ROPN1L: variants seen among roughly 807,000 people sequenced by gnomAD.
The protein encoded by ROPN1L is ropporin-1-like protein.
In ROPN1L, 23 loss-of-function variants were observed where a neutral mutation model predicts 22.7. The ratio of observed to expected loss-of-function variants is 1.01; its 90% CI spans 0.73 to 1.43. The LOEUF (loss-of-function observed/expected upper bound fraction) is 1.43, where lower values mean the gene tolerates loss of function less well. ROPN1L is among the 40% of genes most tolerant of loss of function. ROPN1L has a pLI of 0.00. For synonymous variants in ROPN1L, 116 were observed against 117.8 expected, an observed-to-expected ratio of 0.98 and a Z score of 0.10; for missense variants, 271 against 291.5, an observed-to-expected ratio of 0.93 and a Z score of 0.51.
intron 3 of ROPN1L, among the ~76,000 whole-genome samples, chr5:10,450,404 A>G (rs911922029): frequency 6.6e-6 from 1 of 152,276 alleles, no homozygotes; most frequent in Non-Finnish European, 1.5e-5. Context: ...TTTTAAAACT[A>G]CAAATCATTT....
chr5:10,471,961 A>T (rs1287522437), exon 5 of ROPN1L: 1 of 152,288 alleles, frequency 6.6e-6, no homozygotes, highest in Non-Finnish European at 1.5e-5. Flanking sequence ...GCACACGGCC[A>T]TTCGATGAAG....
intron 1 of ROPN1L, 55 bp from the exon 2 acceptor site, chr5:10,448,205 G>T (rs181542200): frequency 2.2e-5 from 36 of 1,602,638 alleles, no homozygotes; most frequent in Non-Finnish European, 2.9e-5. Flanking sequence ...AAATTGGATC[G>T]CATAGCTGTT....
downstream of ROPN1L, among the ~76,000 whole-genome samples, chr5:10,469,519 C>T (rs140590603): frequency 8.7e-4 from 132 of 152,018 alleles, no homozygotes; most frequent in African/African-American, 3.0e-3. Context: ...GGCATTCATA[C>T]GGTGTGACTT....
At chr5:10,448,517 T>C in intron 2 of ROPN1L, 134 bp downstream of exon 2, 2 of 997,698 alleles carry the variant, frequency 2.0e-6, no homozygotes, top group Non-Finnish European at 2.9e-6. Flanking sequence ...AAATCCTGCT[T>C]TCCCTGCCAC....
At chr5:10,472,331 G>T (rs1194010087), downstream of ROPN1L, among the ~76,000 whole-genome samples, 6 of 152,120 alleles carry the variant, frequency 3.9e-5, no homozygotes, top group Non-Finnish European at 7.3e-5. Flanking sequence ...AGTTCTTTGG[G>T]CTTGGAGTGT....
At chr5:10,456,126 G>A (rs899476873) in intron 3 of ROPN1L, among the ~76,000 whole-genome samples, 1 of 152,224 alleles carries the variant, frequency 6.6e-6, no homozygotes, top group African/African-American at 2.4e-5. Flanking sequence ...GTGCCCTCGT[G>A]CCTGTGCTCT....
chr5:10,462,333 G>A lies in ROPN1L; in HGVS notation c.593+974G>A, dbSNP rs147095451. ...CAATAACTTTGTCCCAACGAATCCC[G>A]TGTTTGGCAGAAGGTTTAGGCACAC... is the stretch of plus-strand genomic sequence containing the variant. On this transcript the variant is annotated intron_variant, in intron 4 of 4. Coordinates refer to ENST00000274134, the MANE Select transcript of ROPN1L (RefSeq NM_031916.5). 1.3e-3 allele frequency among the ~76,000 whole-genome samples: 202 copies of A among 152,300 alleles called. 1 individual carries two copies. The East Asian group carries it at 0.027, about 20-fold the overall frequency.
At chr5:10,459,284 AGGTTCCCGCCTTCCACCCTCCTCACCG>A (rs1180233738) in intron 3 of ROPN1L, among the ~76,000 whole-genome samples, 294 of 146,586 alleles carry the variant, frequency 2.0e-3, no homozygotes, top group African/African-American at 7.1e-3. Flanking sequence ...CCTCCTTGCC[AGGTTCCCGCCTTCCACCCTCCTCACCG>A]GGTTCCCGCC....
chr5:10,471,555 G>A (rs138220535), intron 4 of ROPN1L, among the ~76,000 whole-genome samples: 1 of 152,344 alleles, frequency 6.6e-6, no homozygotes, highest in African/African-American at 2.4e-5. Flanking sequence ...TAAGATATGG[G>A]GAGGGCTGAG....
At chr5:10,445,396 G>A (rs947288378) in intron 1 of ROPN1L, among the ~76,000 whole-genome samples, 3 of 152,234 alleles carry the variant, frequency 2.0e-5, no homozygotes, top group African/African-American at 7.2e-5. Context: ...CTATTCAAAA[G>A]TAACTTGAGT....
chr5:10,469,110 G>A (rs999890481), downstream of ROPN1L, among the ~76,000 whole-genome samples: 6 of 152,060 alleles, frequency 3.9e-5, no homozygotes, highest in East Asian at 1.9e-4. Context: ...AGCCGAGATC[G>A]TGCCACTGCA....
Position 10,442,112 on chromosome 5 carries a change from C to G in ROPN1L, c.-56C>G. Reference sequence around the variant, plus strand: ...CCACCGCGTCGTAGCCGACAGCCGCCCTTCTTCCTCGCAGCGCGCCGCGAT... The same window carrying G: ...CCACCGCGTCGTAGCCGACAGCCGCGCTTCTTCCTCGCAGCGCGCCGCGAT... On this transcript the variant is annotated 5_prime_UTR_variant, in exon 1 of 5. Coordinates refer to ENST00000274134, the MANE Select transcript of ROPN1L (RefSeq NM_031916.5). 6.3e-7 allele frequency: 1 copy of G among 1,578,952 alleles called. No individual in the cohort carries two copies. Among genetic ancestry groups the G allele is most frequent in the Non-Finnish European group, 8.7e-7 (1 of 1,155,038 alleles).
At chr5:10,459,079 GA>G (rs953538297) in intron 3 of ROPN1L, among the ~76,000 whole-genome samples, 5 of 150,994 alleles carry the variant, frequency 3.3e-5, no homozygotes, top group African/African-American at 1.2e-4. Flanking sequence ...GCGCCTGACA[GA>G]CATGTCAGTG....
At chr5:10,473,633 C>G (rs146635110), downstream of ROPN1L, among the ~76,000 whole-genome samples, 217 of 152,282 alleles carry the variant, frequency 1.4e-3, no homozygotes, top group Non-Finnish European at 2.4e-3. Flanking sequence ...CACTTATTAC[C>G]TCTTTTCTTG....
In ROPN1L at chr5:10,442,123, G is replaced by A. The variant is rs374704312; in HGVS notation, c.-45G>A. ...TAGCCGACAGCCGCCCTTCTTCCTC[G>A]CAGCGCGCCGCGATTCACCAGCCTG... On this transcript the variant is annotated 5_prime_UTR_variant, in exon 1 of 5. Transcript: ENST00000274134. 1.9e-6 allele frequency: 3 copies of A among 1,582,620 alleles called. No individual in the cohort carries two copies. The highest frequency in any genetic ancestry group is 1.7e-6 in the Non-Finnish European group (2 of 1,157,082).
downstream of ROPN1L, among the ~76,000 whole-genome samples, chr5:10,469,022 G>A (rs1191126396): frequency 6.6e-6 from 1 of 152,162 alleles, no homozygotes; most frequent in Non-Finnish European, 1.5e-5. Flanking sequence ...GGGCGTGGTG[G>A]CAGGCGCCTG....
intron 4 of ROPN1L, among the ~76,000 whole-genome samples, chr5:10,464,550 C>T (rs761264602): frequency 2.0e-5 from 3 of 152,206 alleles, no homozygotes; most frequent in Non-Finnish European, 4.4e-5. Context: ...GAACTGGGAC[C>T]CTGTGCAGCA....
At chr5:10,471,428 G>A (rs947545695) in intron 4 of ROPN1L, among the ~76,000 whole-genome samples, 4 of 152,158 alleles carry the variant, frequency 2.6e-5, no homozygotes, top group East Asian at 1.9e-4. Context: ...GATGACAGGC[G>A]TGAGCCACCA....
downstream of ROPN1L, among the ~76,000 whole-genome samples, chr5:10,473,107 G>A (rs1735274037): frequency 6.6e-6 from 1 of 152,162 alleles, no homozygotes; most frequent in Non-Finnish European, 1.5e-5. Context: ...GTGAATACCT[G>A]GCCTTTGCAA....
Sources: allele counts gnomAD v4.1 joint callset (sites outside exome capture counted in the v4.1 genomes callset), GRCh38; gene constraint gnomAD v4.1.1; transcripts MANE v1.5; gene names NCBI Gene and HGNC (gene_info 2026-07-23, HGNC 2026-07-21).